Variants in TXNRD3 observed in about 807,000 individuals in gnomAD.
TXNRD3 encodes thioredoxin reductase 3, also known as TXNRD3 neighbor gene protein.
A neutral mutation model predicts 78.2 loss-of-function variants in TXNRD3; 68 were observed. That is an observed-to-expected ratio of 0.87 (90% confidence interval 0.72 to 1.06). TXNRD3 has a LOEUF of 1.06. TXNRD3 is among the 50% of genes least tolerant of loss of function. TXNRD3 has a pLI of 0.00. For missense variants in TXNRD3, 751 were observed against 809.5 expected (o/e 0.93, Z 0.88); for synonymous variants, 296 against 300.1 (o/e 0.99, Z 0.14).
intron 14 of TXNRD3, chr3:126,609,375 TCTG>T (rs1192438675): frequency 5.9e-6 from 1 of 169,912 alleles, no homozygotes; most frequent in African/African-American, 2.4e-5. Flanking sequence ...CGCATCCACA[TCTG>T]CTGACGGGCA....
chr3:126,635,061 T>C (rs1458122652), intron 6 of TXNRD3, among the ~76,000 whole-genome samples: 1 of 152,186 alleles, frequency 6.6e-6, no homozygotes, highest in African/African-American at 2.4e-5. Context: ...TCCCACACCC[T>C]GTGATGTTGG....
intron 10 of TXNRD3, chr3:126,626,132 A>G (rs888654146): frequency 1.3e-5 from 2 of 152,224 alleles, no homozygotes; most frequent in African/African-American, 4.8e-5. Context: ...AATGAGAATT[A>G]ATTTATTTAC....
At position 126,643,983 on chromosome 3, in the gene TXNRD3, C is replaced by A. The variant is rs1933158371; in HGVS notation, c.590G>T (p.Trp197Leu). Residue 197 changes from tryptophan (W) to leucine (L), a missense_variant and splice_region_variant, in exon 5 of 16, where the codon TGG becomes TTG. Coordinates refer to ENST00000524230, the MANE Select transcript of TXNRD3 (RefSeq NM_052883.3). ...AACAACAGAGAAAAACAACTTACCC[C>A]AGGATGTGCCCTGAGGTGACGGGAC... 1 of 1,535,480 alleles carries A rather than the reference C, an allele frequency of 6.5e-7. No homozygotes were observed. Among genetic ancestry groups the A allele is most frequent in the South Asian group, 1.2e-5 (1 of 83,908 alleles).
chr3:126,644,923 C>T (rs1373491488), intron 3 of TXNRD3, among the ~76,000 whole-genome samples: 2 of 152,232 alleles, frequency 1.3e-5, no homozygotes, highest in African/African-American at 4.8e-5. Flanking sequence ...AGTCATGATG[C>T]TGGCCCTGGG....
At chr3:126,619,046 C>A (rs1297688719) in intron 12 of TXNRD3, among the ~76,000 whole-genome samples, 2 of 151,656 alleles carry the variant, frequency 1.3e-5, no homozygotes, top group African/African-American at 2.4e-5. Flanking sequence ...TGGCTATTAT[C>A]AAAAAGACAA....
At chr3:126,641,920 T>A in intron 6 of TXNRD3, 112 bp downstream of exon 6, 1 of 1,278,278 alleles carries the variant, frequency 7.8e-7, no homozygotes, top group African/African-American at 1.5e-5. Flanking sequence ...TCCTAATGAA[T>A]GTTCATTAAA....
At chr3:126,643,571 C>CA (rs1459906136) in intron 5 of TXNRD3, among the ~76,000 whole-genome samples, 1 of 152,024 alleles carries the variant, frequency 6.6e-6, no homozygotes, top group Non-Finnish European at 1.5e-5. Context: ...ACTATACACT[C>CA]AAAAAAATAC....
chr3:126,621,972 C>A, intron 11 of TXNRD3, 74 bp from the exon 12 acceptor site: 1 of 1,215,320 alleles, frequency 8.2e-7, no homozygotes, highest in Non-Finnish European at 1.1e-6. Context: ...ATACTATTAG[C>A]CAAAAGACTA....
Position 126,607,966 on chromosome 3 carries a change from G to A in TXNRD3, c.1871C>T (p.Thr624Met), listed in dbSNP as rs781262415. The change falls in exon 16 of 16, where the codon ACG becomes ATG. Residue 624 changes from threonine to methionine, a missense_variant. Thr to Met is a moderately conservative substitution (Grantham distance 81). Coordinates refer to ENST00000524230, the MANE Select transcript of TXNRD3 (RefSeq NM_052883.3). ...TGACGACTTTGTGATTTCCAAAGTCGTGAACACCTGTTCAAGAGAAAGAAA... is the reference window on the plus strand; with the variant it reads ...TGACGACTTTGTGATTTCCAAAGTCATGAACACCTGTTCAAGAGAAAGAAA... 56 of 1,501,332 alleles carry A rather than the reference G, an allele frequency of 3.7e-5. No homozygotes were observed. Among genetic ancestry groups the A allele is most frequent in the East Asian group, 5.0e-5 (2 of 40,014 alleles). 93.0% of individuals were successfully genotyped at this position (1,501,332 alleles called of 1,614,324 possible). A position where few individuals can be genotyped will look rare whatever the true frequency, so the allele number is the denominator to read the frequency against.
intron 1 of TXNRD3, among the ~76,000 whole-genome samples, chr3:126,651,091 T>C (rs1299510611): frequency 1.3e-5 from 2 of 152,190 alleles, no homozygotes; most frequent in South Asian, 4.1e-4. Flanking sequence ...TCTCCTTGAC[T>C]CTGCAAGGAT....
chr3:126,635,908 C>T (rs1255655657), intron 6 of TXNRD3, among the ~76,000 whole-genome samples: 1 of 151,940 alleles, frequency 6.6e-6, no homozygotes, highest in Non-Finnish European at 1.5e-5. Context: ...TACACATAAA[C>T]ACACACACAT....
chr3:126,616,611 G>A (rs1270203374), intron 12 of TXNRD3, among the ~76,000 whole-genome samples: 1 of 152,162 alleles, frequency 6.6e-6, no homozygotes, highest in African/African-American at 2.4e-5. Context: ...CCCCAGAGCA[G>A]CTGGGACCCC....
In TXNRD3 at chr3:126,654,777, TGAA is replaced by T. The variant is rs1933473462; in HGVS notation, c.211_213del (p.Phe71del). ...GTACTATGGGGACAGTAGCTCTTGC[TGAA>T]GATCACCACCCGGCTGCGCTCGATG... On this transcript the variant is annotated inframe_deletion, in exon 1 of 16. Transcript: ENST00000524230. The T allele has an allele frequency of 7.0e-7, 1 of 1,427,660 alleles. No homozygotes were observed. Among genetic ancestry groups the T allele is most frequent in the South Asian group, 1.4e-5 (1 of 72,768 alleles). The allele number at this position is 1,427,660 out of a possible 1,614,324, so 88.4% of individuals were successfully genotyped here.
intron 3 of TXNRD3, 86 bp downstream of exon 3, chr3:126,646,025 A>C: frequency 1.1e-6 from 1 of 929,244 alleles, no homozygotes; most frequent in East Asian, 2.9e-5. Flanking sequence ...AGATGAGTGG[A>C]CTCCTAAAAA....
intron 13 of TXNRD3, among the ~76,000 whole-genome samples, chr3:126,613,540 C>A (rs1258086983): frequency 6.6e-6 from 1 of 152,250 alleles, no homozygotes. Context: ...TACACTCACA[C>A]TTCCTCCCAT....
intron 7 of TXNRD3, 84 bp from the exon 8 acceptor site, chr3:126,631,963 A>G: frequency 1.2e-6 from 1 of 825,836 alleles, no homozygotes; most frequent in Non-Finnish European, 2.0e-6. Flanking sequence ...ACCCTCATGG[A>G]GCTTCTCATT....
At chr3:126,637,079 A>G (rs1932925096) in intron 6 of TXNRD3, among the ~76,000 whole-genome samples, 1 of 152,208 alleles carries the variant, frequency 6.6e-6, no homozygotes, top group Non-Finnish European at 1.5e-5. Flanking sequence ...GATTTGGAAA[A>G]ATGTACCTGT....
Position 126,629,098 on chromosome 3 carries a change from A to T in TXNRD3, c.1290+281T>A, listed in dbSNP as rs577696435. Among the ~76,000 whole-genome samples, 425 of 152,210 alleles carry T rather than the reference A, an allele frequency of 2.8e-3. 2 individuals carry two copies. Among genetic ancestry groups the T allele is most frequent in the Non-Finnish European group, 5.2e-3 (356 of 67,976 alleles). ...TATTGCAAAAATATTCAAATTAAGAAATGTATAAAATATCTAATTTTCCAA... is the reference window on the plus strand; with the variant it reads ...TATTGCAAAAATATTCAAATTAAGATATGTATAAAATATCTAATTTTCCAA... On this transcript the variant is annotated intron_variant, in intron 10 of 15. Transcript: ENST00000524230.
At chr3:126,627,317 A>C (rs1938601749) in intron 10 of TXNRD3, among the ~76,000 whole-genome samples, 1 of 152,252 alleles carries the variant, frequency 6.6e-6, no homozygotes, top group Non-Finnish European at 1.5e-5. Context: ...CATACTGTAC[A>C]ATTCCACTTA....
Sources: allele counts gnomAD v4.1 joint callset (sites outside exome capture counted in the v4.1 genomes callset), GRCh38; gene constraint gnomAD v4.1.1; transcripts MANE v1.5; gene names NCBI Gene and HGNC (gene_info 2026-07-23, HGNC 2026-07-21).